Variants in ROBO1 observed in about 807,000 individuals in gnomAD.
The protein encoded by ROBO1 is roundabout homolog 1.
ROBO1 carries 149 observed loss-of-function variants against 195.9 expected under a neutral mutation model. The observed-to-expected ratio is 0.76, with a 90% CI of 0.67 to 0.87. The LOEUF is 0.87. ROBO1 is among the 40% of genes least tolerant of loss of function. The probability of loss-of-function intolerance (pLI) is 0.00; values close to 1 mark genes in which losing one functional copy is unlikely to be tolerated. For missense variants in ROBO1, 1,933 were observed against 2,068.3 expected (o/e 0.93, Z 1.27); for synonymous variants, 816 against 733.2 (o/e 1.11, Z -1.82).
chr3:79,358,982 A>G (rs1220826851), intron 2 of ROBO1, among the ~76,000 whole-genome samples: 3 of 152,036 alleles, frequency 2.0e-5, no homozygotes, highest in East Asian at 3.9e-4. Context: ...CTTTTTCCCT[A>G]TAAACGTTCA....
chr3:79,245,256 T>C (rs190500922), intron 2 of ROBO1, among the ~76,000 whole-genome samples: 10 of 152,242 alleles, frequency 6.6e-5, no homozygotes, highest in Non-Finnish European at 1.3e-4. Flanking sequence ...TACTCTTTAG[T>C]ACTGAATTTC....
chr3:78,884,743 A>G (rs1189773047), intron 4 of ROBO1, among the ~76,000 whole-genome samples: 1 of 151,554 alleles, frequency 6.6e-6, no homozygotes, highest in South Asian at 2.1e-4. Flanking sequence ...GGAAGGAAAG[A>G]AAGGAAAGAA....
intron 3 of ROBO1, among the ~76,000 whole-genome samples, chr3:78,939,274 C>T (rs1358164175): frequency 1.3e-5 from 2 of 152,074 alleles, no homozygotes; most frequent in Non-Finnish European, 2.9e-5. Context: ...AATAATGGCA[C>T]GGTTCCCTGG....
At chr3:79,007,132 A>T (rs574427127) in intron 3 of ROBO1, among the ~76,000 whole-genome samples, 128 of 150,458 alleles carry the variant, frequency 8.5e-4, no homozygotes, top group Middle Eastern at 3.4e-3. Context: ...AGAAAAATTT[A>T]AAAAAAAGGG....
chr3:79,241,925 G>T (rs2082526823), intron 2 of ROBO1, among the ~76,000 whole-genome samples: 1 of 141,438 alleles, frequency 7.1e-6, no homozygotes, highest in African/African-American at 2.6e-5. Flanking sequence ...TTGGTAGTAA[G>T]TCTTCTTAAT....
At chr3:79,305,504 A>G (rs978258843) in intron 2 of ROBO1, among the ~76,000 whole-genome samples, 6 of 151,660 alleles carry the variant, frequency 4.0e-5, no homozygotes, top group African/African-American at 1.4e-4. Context: ...AAAAAAAAAA[A>G]AAAAAGAATT....
chr3:79,108,605 A>G (rs918737513), intron 3 of ROBO1, among the ~76,000 whole-genome samples: 1 of 151,808 alleles, frequency 6.6e-6, no homozygotes, highest in Non-Finnish European at 1.5e-5. Context: ...ATAGAAACAA[A>G]TACAAGAGCA....
At chr3:79,749,211 T>C (rs965611137) in intron 1 of ROBO1, among the ~76,000 whole-genome samples, 3 of 152,130 alleles carry the variant, frequency 2.0e-5, no homozygotes, top group Non-Finnish European at 4.4e-5. Flanking sequence ...ATTTTGCCCC[T>C]GCCCTAGAGA....
chr3:79,663,573 C>T (rs902187771), intron 1 of ROBO1, among the ~76,000 whole-genome samples: 2 of 152,000 alleles, frequency 1.3e-5, no homozygotes, highest in Non-Finnish European at 2.9e-5. Context: ...GCTGGTCTCT[C>T]CTGGGCTCAA....
intron 2 of ROBO1, among the ~76,000 whole-genome samples, chr3:79,565,224 C>A (rs527682024): frequency 1.3e-5 from 2 of 151,820 alleles, no homozygotes; most frequent in African/African-American, 4.8e-5. Flanking sequence ...GAGAACATTA[C>A]GTTTAAAGAA....
chr3:79,643,396 T>A (rs916310082), intron 1 of ROBO1, among the ~76,000 whole-genome samples: 1 of 152,128 alleles, frequency 6.6e-6, no homozygotes, highest in African/African-American at 2.4e-5. Flanking sequence ...TACTCCTTAA[T>A]AAACTCCCGT....
At chr3:79,629,953 C>G (rs1945290244) in intron 1 of ROBO1, among the ~76,000 whole-genome samples, 1 of 151,864 alleles carries the variant, frequency 6.6e-6, no homozygotes, top group East Asian at 1.9e-4. Flanking sequence ...AATAGAAAGG[C>G]TGAACAGACC....
intron 18 of ROBO1, 115 bp from the exon 19 acceptor site, chr3:78,652,044 C>G: frequency 2.6e-6 from 2 of 776,008 alleles, no homozygotes; most frequent in Non-Finnish European, 4.2e-6. Flanking sequence ...TGTTTTTCCT[C>G]TCACACCACT....
chr3:79,057,879 T>C (rs1052508570), intron 3 of ROBO1, among the ~76,000 whole-genome samples: 2 of 152,032 alleles, frequency 1.3e-5, no homozygotes, highest in African/African-American at 2.4e-5. Flanking sequence ...GTTGCCCTGC[T>C]AAACCAGGAG....
intron 1 of ROBO1, among the ~76,000 whole-genome samples, chr3:79,762,632 A>ACACACACACACACAC (rs1553650940): frequency 6.8e-5 from 8 of 118,174 alleles, no homozygotes; most frequent in South Asian, 2.6e-4. Context: ...ACACACACAC[A>ACACACACACACACAC]AAAGCCGAGA....
At chr3:79,033,225 T>C (rs1301887474) in intron 3 of ROBO1, among the ~76,000 whole-genome samples, 1 of 152,104 alleles carries the variant, frequency 6.6e-6, no homozygotes, top group Non-Finnish European at 1.5e-5. Flanking sequence ...TCCAACAAGA[T>C]ATGTATGGTC....
At chr3:78,930,691 T>C (rs2039472877) in intron 4 of ROBO1, among the ~76,000 whole-genome samples, 1 of 152,180 alleles carries the variant, frequency 6.6e-6, no homozygotes, top group South Asian at 2.1e-4. Context: ...AGCCAAATCT[T>C]TGGTCCCCAA....
chr3:79,274,820 G>A (rs938722952), intron 2 of ROBO1, among the ~76,000 whole-genome samples: 1 of 151,976 alleles, frequency 6.6e-6, no homozygotes, highest in African/African-American at 2.4e-5. Context: ...AAATACCGCA[G>A]AAATCCGAAC....
Position 79,256,098 on chromosome 3 carries a change from T to C in ROBO1, c.89-130559A>G, listed in dbSNP as rs1002058682. Among the ~76,000 whole-genome samples, 6 of 152,214 alleles carry C rather than the reference T, an allele frequency of 3.9e-5. No homozygotes were observed. The East Asian group carries it at 1.2e-3, about 29-fold the overall frequency. ...TTTTCATTCTAATGGTTTTTGTTTG[T>C]TTGACTGGCTTTTTCCTTTTGACTC... On this transcript the variant is annotated intron_variant, in intron 2 of 30. Coordinates refer to ENST00000464233, the MANE Select transcript of ROBO1 (RefSeq NM_002941.4).
Sources: allele counts gnomAD v4.1 joint callset (sites outside exome capture counted in the v4.1 genomes callset), GRCh38; gene constraint gnomAD v4.1.1; transcripts MANE v1.5; gene names NCBI Gene and HGNC (gene_info 2026-07-23, HGNC 2026-07-21).